The following DIAPH2 variants were observed in gnomAD, a reference collection of about 807,000 sequenced individuals.
DIAPH2 encodes the protein diaphanous related formin 2.
A neutral mutation model predicts 92.7 loss-of-function variants in DIAPH2; 35 were observed. That is an observed-to-expected ratio of 0.38 (90% confidence interval 0.29 to 0.50). DIAPH2 has a LOEUF of 0.50. Among genes scored for constraint, DIAPH2 ranks in the 20% least tolerant of loss-of-function variants. DIAPH2 has a pLI of 0.94. For synonymous variants in DIAPH2, 301 were observed against 280.4 expected (o/e 1.07, Z -0.73); for missense variants, 701 against 819.5 (o/e 0.86, Z 1.77).
intron 26 of DIAPH2, among the ~76,000 whole-genome samples, chrX:97,434,193 C>A (rs1055855587): frequency 3.6e-5 from 4 of 111,313 alleles, no homozygotes; most frequent in African/African-American, 1.3e-4. Flanking sequence ...TGTTAACTTA[C>A]AATTCTCTAA....
intron 23 of DIAPH2, among the ~76,000 whole-genome samples, chrX:97,344,010 C>A (rs2069135693): frequency 9.0e-6 from 1 of 111,549 alleles, no homozygotes; most frequent in African/African-American, 3.3e-5. Flanking sequence ...GGTAATATTG[C>A]TCTGCCTTTT....
chrX:97,145,325 G>GTAGTAGTAGTA (rs1569312319), intron 22 of DIAPH2, among the ~76,000 whole-genome samples: 2 of 13,558 alleles, frequency 1.5e-4, no homozygotes, highest in African/African-American at 3.0e-4. Flanking sequence ...TAGTAGTAGT[G>GTAGTAGTAGTA]GTAGTAGTAG....
rs1423645103 is a variant in DIAPH2 at position 97,602,221 on chromosome X, A to AAGAC, written c.*2906_*2909dup. On this transcript the variant is annotated 3_prime_UTR_variant, in exon 27 of 27. Transcript: ENST00000324765. The stretch of plus-strand genomic sequence containing the variant: ...AAATTTATGTCTGTCTCATGTGTAA[A>AAGAC]AGACATTCATCCCATCCTAACATTA... 3.6e-5 allele frequency: 4 copies of AAGAC among 112,352 alleles called. No homozygotes were observed. The highest frequency in any genetic ancestry group is 7.5e-5 in the Non-Finnish European group (4 of 53,240). 9.3% of individuals were successfully genotyped at this position (112,352 alleles called of 1,213,427 possible). A position where few individuals can be genotyped will look rare whatever the true frequency, so the allele number is the denominator to read the frequency against.
chrX:96,898,333 G>C (rs1232042232), intron 5 of DIAPH2, among the ~76,000 whole-genome samples: 1 of 104,192 alleles, frequency 9.6e-6, no homozygotes, highest in Non-Finnish European at 2.0e-5. Flanking sequence ...CCAGTTTACA[G>C]TCCCACCAAC....
At chrX:97,317,313 G>A (rs772898460) in intron 23 of DIAPH2, among the ~76,000 whole-genome samples, 1 of 111,486 alleles carries the variant, frequency 9.0e-6, no homozygotes, top group South Asian at 3.8e-4. Context: ...AACATTTTAA[G>A]GATGTTTTTA....
chrX:96,722,851 T>C (rs1330034171), intron 1 of DIAPH2, among the ~76,000 whole-genome samples: 1 of 111,921 alleles, frequency 8.9e-6, no homozygotes, highest in Non-Finnish European at 1.9e-5. Flanking sequence ...GGAAGCACTC[T>C]ACATTGTTGG....
At chrX:96,805,612 T>C (rs973177898) in intron 4 of DIAPH2, among the ~76,000 whole-genome samples, 4 of 111,164 alleles carry the variant, frequency 3.6e-5, no homozygotes, top group South Asian at 3.9e-4. Context: ...GTCAAACTTT[T>C]GTTTGACTGT....
At chrX:96,815,677 CT>C (rs1466086911) in intron 4 of DIAPH2, among the ~76,000 whole-genome samples, 1 of 110,580 alleles carries the variant, frequency 9.0e-6, no homozygotes, top group Admixed American at 9.6e-5. Context: ...CTGTTTTTTT[CT>C]TTTTTTTGAG....
At chrX:97,080,273 C>A (rs1198301895) in intron 19 of DIAPH2, among the ~76,000 whole-genome samples, 1 of 107,461 alleles carries the variant, frequency 9.3e-6, no homozygotes, top group African/African-American at 3.4e-5. Context: ...CTCCTCTCCT[C>A]CCTCCCTTCT....
intron 19 of DIAPH2, among the ~76,000 whole-genome samples, chrX:97,089,911 G>A (rs1008608837): frequency 5.4e-5 from 6 of 110,531 alleles, no homozygotes; most frequent in Non-Finnish European, 1.1e-4. Flanking sequence ...TGTATTTTTA[G>A]TAGAGATGGA....
chrX:97,014,211 G>A (rs2147866241), intron 17 of DIAPH2, among the ~76,000 whole-genome samples: 1 of 111,639 alleles, frequency 9.0e-6, no homozygotes, highest in South Asian at 3.8e-4. Flanking sequence ...GGAAGAGGTA[G>A]AAAAGAAGGG....
Position 97,468,826 on chromosome X carries a change from A to G in DIAPH2, c.3241+39081A>G, listed in dbSNP as rs181518399. On this transcript the variant is annotated intron_variant, in intron 26 of 26. Transcript: ENST00000324765. ...CTAAATCAAAACACAGGTAACTGGA[A>G]CAGACTGACAGAAAACACAGTTGGC... 4.0e-4 allele frequency among the ~76,000 whole-genome samples: 45 copies of G among 111,625 alleles called. No individual in the cohort carries two copies. In the East Asian group the frequency reaches 0.013, roughly 31 times the overall value.
At chrX:97,129,882 GT>G (rs201750054) in intron 21 of DIAPH2, among the ~76,000 whole-genome samples, 4,615 of 111,337 alleles carry the variant, frequency 0.041, 102 homozygotes, top group Non-Finnish European at 0.066. Context: ...ATTGATATCC[GT>G]AATATATAAA....
intron 26 of DIAPH2, among the ~76,000 whole-genome samples, chrX:97,593,507 G>T (rs2071530857): frequency 9.2e-6 from 1 of 108,671 alleles, no homozygotes; most frequent in Admixed American, 9.8e-5. Context: ...AAACCTTAAA[G>T]AGCAAGAACT....
chrX:96,969,615 T>C (rs999989811), intron 17 of DIAPH2, among the ~76,000 whole-genome samples: 1 of 111,645 alleles, frequency 9.0e-6, no homozygotes, highest in Non-Finnish European at 1.9e-5. Context: ...AAATTTTTTA[T>C]GTGTTCCAGG....
At chrX:97,010,905 T>G (rs947099154) in intron 17 of DIAPH2, among the ~76,000 whole-genome samples, 1 of 111,763 alleles carries the variant, frequency 8.9e-6, no homozygotes, top group African/African-American at 3.3e-5. Context: ...TCTTTTTCCT[T>G]TAGTCTGTTC....
At chrX:97,300,956 AAAAAAAAAAGAAG>A (rs2068696213) in intron 23 of DIAPH2, among the ~76,000 whole-genome samples, 2 of 63,552 alleles carry the variant, frequency 3.1e-5, no homozygotes, top group East Asian at 4.3e-4. Context: ...AAAAAAAAAA[AAAAAAAAAAGAAG>A]AAGAAGAATG....
intron 4 of DIAPH2, among the ~76,000 whole-genome samples, chrX:96,804,791 G>A (rs2064611076): frequency 9.0e-6 from 1 of 111,424 alleles, no homozygotes; most frequent in African/African-American, 3.3e-5. Context: ...ATAAATAAAT[G>A]ATAACTATCA....
At chrX:97,076,934 C>T (rs2066709082) in intron 19 of DIAPH2, among the ~76,000 whole-genome samples, 1 of 111,449 alleles carries the variant, frequency 9.0e-6, no homozygotes, top group South Asian at 3.8e-4. Context: ...TTTTTTAAAG[C>T]CAACTTGCTT....
Sources: gnomAD v4.1 joint callset for allele counts (sites outside exome capture counted in the v4.1 genomes callset) on GRCh38, gnomAD v4.1.1 for gene constraint, MANE v1.5 for transcripts, NCBI Gene and HGNC (gene_info 2026-07-23, HGNC 2026-07-21) for gene names.